Variants in CACNA2D3 observed in about 807,000 individuals in gnomAD.
The protein encoded by CACNA2D3 is calcium voltage-gated channel auxiliary subunit alpha2delta 3.
Under a neutral mutation model 160.6 loss-of-function variants are expected in CACNA2D3, and 60 were observed. That is an observed-to-expected ratio of 0.37 (90% CI 0.30 to 0.46). CACNA2D3 has a LOEUF of 0.46. Among genes scored for constraint, CACNA2D3 ranks in the 20% least tolerant of loss-of-function variants. CACNA2D3 has a pLI of 1.00. For missense variants in CACNA2D3, 1,205 were observed against 1,365.0 expected, an observed-to-expected ratio of 0.88 and a Z score of 1.85; for synonymous variants, 558 against 492.9, an observed-to-expected ratio of 1.13 and a Z score of -1.75.
chr3:55,070,742 C>T lies in CACNA2D3; in HGVS notation c.2988-2703C>T, dbSNP rs1018495553. On this transcript the variant is annotated intron_variant, in intron 35 of 37. Coordinates refer to ENST00000474759, the MANE Select transcript of CACNA2D3 (RefSeq NM_018398.3). ...CTGATGAAAATGTCTAAGGTTCTAC[C>T]GCACAAATGTGAATCTGGGCTATTA... Among the ~76,000 whole-genome samples, 10 of 152,222 alleles carry T rather than the reference C, an allele frequency of 6.6e-5. No homozygotes were observed. The South Asian group carries it at 8.3e-4, about 13-fold the overall frequency.
chr3:55,066,021 A>T (rs1250341234), intron 35 of CACNA2D3, among the ~76,000 whole-genome samples: 2 of 152,214 alleles, frequency 1.3e-5, no homozygotes, highest in African/African-American at 2.4e-5. Flanking sequence ...GCTAGAACAC[A>T]TACAAAATAA....
intron 2 of CACNA2D3, among the ~76,000 whole-genome samples, chr3:54,313,188 C>T (rs1247587370): frequency 6.6e-6 from 1 of 152,088 alleles, no homozygotes; most frequent in Non-Finnish European, 1.5e-5. Context: ...AATGAGGACC[C>T]TGAGGCTCAG....
chr3:54,154,530 T>TCC lies in CACNA2D3; in HGVS notation c.204+30942_204+30943dup, dbSNP rs35365297. ...TGCCGCAAACGCCCCTTACTCTTTT[T>TCC]CCCCCCCGAATGATTATTGTTTCCC... On this transcript the variant is annotated intron_variant, in intron 2 of 37. Coordinates refer to ENST00000474759, the MANE Select transcript of CACNA2D3 (RefSeq NM_018398.3). Among the ~76,000 whole-genome samples, 24 of 151,756 alleles carry TCC rather than the reference T, an allele frequency of 1.6e-4. No individual in the cohort carries two copies. The East Asian group carries it at 3.7e-3, about 23-fold the overall frequency.
In CACNA2D3 at chr3:54,463,593, C is replaced by CGT. The variant is rs1553684015; in HGVS notation, c.382-39899_382-39898insGT. Among the ~76,000 whole-genome samples, 8 of 152,126 alleles carry CGT rather than the reference C, an allele frequency of 5.3e-5. No individual in the cohort carries two copies. The Middle Eastern group carries it at 0.01, about 194-fold the overall frequency. Reference sequence around the variant, plus strand: ...GCTCCTGAGGCTTCTGCATTCTTCACAGTTCTCGAGCCTTGGCTTTCAGCT... The same window carrying CGT: ...GCTCCTGAGGCTTCTGCATTCTTCACGTAGTTCTCGAGCCTTGGCTTTCAGCT... On this transcript the variant is annotated intron_variant, in intron 4 of 37. Coordinates refer to ENST00000474759, the MANE Select transcript of CACNA2D3 (RefSeq NM_018398.3).
chr3:54,402,053 G>A (rs2359788), intron 4 of CACNA2D3, among the ~76,000 whole-genome samples: 8,852 of 152,206 alleles, frequency 0.058, 320 homozygotes, highest in Middle Eastern at 0.096. Flanking sequence ...GTTGTTATCA[G>A]TGTAAAATAT....
chr3:54,218,880 T>C (rs1264386888), intron 2 of CACNA2D3, among the ~76,000 whole-genome samples: 2 of 152,088 alleles, frequency 1.3e-5, no homozygotes, highest in Non-Finnish European at 2.9e-5. Context: ...CACTGTCATC[T>C]CCCTCTCTCT....
chr3:54,446,075 A>T (rs903676196), intron 4 of CACNA2D3, among the ~76,000 whole-genome samples: 1 of 152,222 alleles, frequency 6.6e-6, no homozygotes, highest in African/African-American at 2.4e-5. Flanking sequence ...GGTTCCATCC[A>T]CACATGTTCA....
intron 27 of CACNA2D3, among the ~76,000 whole-genome samples, chr3:54,923,780 G>C (rs1700925322): frequency 6.6e-6 from 1 of 152,172 alleles, no homozygotes; most frequent in South Asian, 2.1e-4. Flanking sequence ...TCTGCTCTGT[G>C]ATCTTGGGCA....
At chr3:54,288,757 G>T (rs1346648382) in intron 2 of CACNA2D3, among the ~76,000 whole-genome samples, 1 of 152,072 alleles carries the variant, frequency 6.6e-6, no homozygotes, top group Non-Finnish European at 1.5e-5. Context: ...GGGATGCAAG[G>T]CTGGTTCAAT....
At chr3:54,621,601 A>C (rs1338338565) in intron 9 of CACNA2D3, among the ~76,000 whole-genome samples, 1 of 152,232 alleles carries the variant, frequency 6.6e-6, no homozygotes, top group Non-Finnish European at 1.5e-5. Flanking sequence ...TTTAATTGAG[A>C]AAAATAATGA....
At chr3:54,925,722 C>T (rs545376204) in intron 27 of CACNA2D3, among the ~76,000 whole-genome samples, 2 of 152,196 alleles carry the variant, frequency 1.3e-5, no homozygotes, top group Non-Finnish European at 2.9e-5. Flanking sequence ...TGTGTGGCTA[C>T]CGAGCTCTTG....
chr3:54,386,842 C>T, intron 4 of CACNA2D3, 68 bp downstream of exon 4: 1 of 1,365,478 alleles, frequency 7.3e-7, no homozygotes, highest in Non-Finnish European at 1.0e-6. Flanking sequence ...ACCAGGTATA[C>T]CAGGAATACT....
intron 4 of CACNA2D3, among the ~76,000 whole-genome samples, chr3:54,440,707 A>G (rs931808549): frequency 2.6e-5 from 4 of 152,084 alleles, no homozygotes; most frequent in South Asian, 2.1e-4. Context: ...TCATTGTTCA[A>G]TTCCCACCTA....
intron 35 of CACNA2D3, among the ~76,000 whole-genome samples, chr3:55,067,034 A>G (rs551952275): frequency 1.3e-5 from 2 of 152,106 alleles, no homozygotes; most frequent in South Asian, 4.2e-4. Flanking sequence ...CACCATGTTA[A>G]TAAGCAGACA....
At chr3:54,328,962 C>T (rs1041181257) in intron 3 of CACNA2D3, among the ~76,000 whole-genome samples, 5 of 152,172 alleles carry the variant, frequency 3.3e-5, no homozygotes, top group African/African-American at 1.2e-4. Flanking sequence ...GTGTTTCAGC[C>T]TCCCCACTAC....
At chr3:54,449,261 A>C (rs1039468998) in intron 4 of CACNA2D3, among the ~76,000 whole-genome samples, 1 of 152,220 alleles carries the variant, frequency 6.6e-6, no homozygotes, top group Non-Finnish European at 1.5e-5. Context: ...ACAACATAAA[A>C]GGAAGAGAAT....
At chr3:54,599,610 G>C (rs939648285) in intron 9 of CACNA2D3, among the ~76,000 whole-genome samples, 97 of 152,132 alleles carry the variant, frequency 6.4e-4, no homozygotes, top group African/African-American at 2.1e-3. Flanking sequence ...TAATAAGGTG[G>C]GGGGGAGGAA....
At chr3:54,439,051 C>T (rs1475969934) in intron 4 of CACNA2D3, among the ~76,000 whole-genome samples, 2 of 152,110 alleles carry the variant, frequency 1.3e-5, no homozygotes, top group African/African-American at 2.4e-5. Context: ...TTCCACCTGC[C>T]ATTTTGAGAA....
chr3:54,463,149 T>G (rs1700540348), intron 4 of CACNA2D3, among the ~76,000 whole-genome samples: 1 of 152,202 alleles, frequency 6.6e-6, no homozygotes, highest in African/African-American at 2.4e-5. Context: ...AGATCCGCTG[T>G]TAGTCTGATG....
Sources: allele counts gnomAD v4.1 joint callset (sites outside exome capture counted in the v4.1 genomes callset), GRCh38; gene constraint gnomAD v4.1.1; transcripts MANE v1.5; gene names NCBI Gene and HGNC (gene_info 2026-07-23, HGNC 2026-07-21).